The following ENOX1 variants were observed in gnomAD, a reference collection of about 807,000 sequenced individuals.
The protein encoded by ENOX1 is candidate growth-related and time keeping constitutive hydroquinone (NADH) oxidase.
ENOX1 carries 42 observed loss-of-function variants against 82.5 expected under a neutral mutation model. The observed-to-expected ratio is 0.51, with a 90% CI of 0.40 to 0.66. ENOX1 has a LOEUF of 0.66. Among genes scored for constraint, ENOX1 ranks in the 30% least tolerant of loss-of-function variants. The pLI is 0.00. For missense variants in ENOX1, 608 were observed against 811.6 expected, an observed-to-expected ratio of 0.75 and a Z score of 3.05; for synonymous variants, 271 against 282.2, an observed-to-expected ratio of 0.96 and a Z score of 0.40.
intron 2 of ENOX1, among the ~76,000 whole-genome samples, chr13:43,505,705 T>C (rs1205414701): frequency 6.6e-6 from 1 of 152,142 alleles, no homozygotes; most frequent in Admixed American, 6.6e-5. Context: ...GTAGGTTGCC[T>C]GTTCACTCTG....
intron 5 of ENOX1, 112 bp from the exon 6 acceptor site, chr13:43,361,564 T>A: frequency 1.0e-6 from 1 of 973,766 alleles, no homozygotes; most frequent in Non-Finnish European, 1.5e-6. Flanking sequence ...TTTCAGGAAT[T>A]TCTCCTGGCA....
At position 43,298,383 on chromosome 13, in the gene ENOX1, A is replaced by C; in HGVS notation, c.1409T>G (p.Leu470Arg). 2 of 1,611,942 alleles carry C rather than the reference A, an allele frequency of 1.2e-6. No homozygotes were observed. Among genetic ancestry groups the C allele is most frequent in the Non-Finnish European group, 1.7e-6 (2 of 1,179,656 alleles). ...TTGCATGGTTTGCTGCAGAAACTGCAGTTGCTGGTCCTTGGTGAGGTTTTC... is the reference window on the plus strand; with the variant it reads ...TTGCATGGTTTGCTGCAGAAACTGCCGTTGCTGGTCCTTGGTGAGGTTTTC... ...TEENLTKDQQ[L>R]QFLQQTMQGM... The change falls in exon 12 of 17, where the codon CTG (leucine) becomes CGG (arginine). Residue 470 changes from leucine (L) to arginine (R), a missense_variant. Leu to Arg is a moderately radical substitution (Grantham distance 102). Transcript: ENST00000690772.
chr13:43,737,828 TACATAGAACAC>T (rs1465949516), intron 1 of ENOX1, among the ~76,000 whole-genome samples: 1 of 152,198 alleles, frequency 6.6e-6, no homozygotes, highest in Non-Finnish European at 1.5e-5. Context: ...ATTTGCCAAT[TACATAGAACAC>T]ACAATGGGCC....
At chr13:43,507,077 TCAGA>T (rs1401932751) in intron 2 of ENOX1, among the ~76,000 whole-genome samples, 1 of 151,878 alleles carries the variant, frequency 6.6e-6, no homozygotes, top group Non-Finnish European at 1.5e-5. Context: ...AAAGAAATAA[TCAGA>T]CAATTATCAA....
chr13:43,525,326 A>G (rs1202477175), intron 2 of ENOX1, among the ~76,000 whole-genome samples: 2 of 152,064 alleles, frequency 1.3e-5, no homozygotes, highest in African/African-American at 4.8e-5. Context: ...GAATGTGACT[A>G]CTCTAGGTAC....
chr13:43,441,891 G>T (rs2056380046), intron 3 of ENOX1, among the ~76,000 whole-genome samples: 1 of 151,974 alleles, frequency 6.6e-6, no homozygotes, highest in African/African-American at 2.4e-5. Context: ...GGTAGAAGGA[G>T]GGATGTTGGT....
chr13:43,250,236 G>C (rs1344584080), intron 14 of ENOX1, among the ~76,000 whole-genome samples: 1 of 152,196 alleles, frequency 6.6e-6, no homozygotes, highest in African/African-American at 2.4e-5. Flanking sequence ...CCTTCTGTCT[G>C]AATGATCTCT....
chr13:43,644,094 T>A (rs1454189692), intron 2 of ENOX1, among the ~76,000 whole-genome samples: 1 of 152,194 alleles, frequency 6.6e-6, no homozygotes, highest in Non-Finnish European at 1.5e-5. Flanking sequence ...TAATTAGTTT[T>A]AAAATATTCA....
chr13:43,461,618 G>C (rs1406631047), intron 3 of ENOX1, among the ~76,000 whole-genome samples: 1 of 152,186 alleles, frequency 6.6e-6, no homozygotes, highest in Non-Finnish European at 1.5e-5. Flanking sequence ...CATGGCCTGG[G>C]ATGGTTAGGA....
At chr13:43,269,661 G>A in intron 12 of ENOX1, 84 bp from the exon 13 acceptor site, 1 of 1,066,052 alleles carries the variant, frequency 9.4e-7, no homozygotes, top group Non-Finnish European at 1.4e-6. Flanking sequence ...TCAAAATTAT[G>A]AGTAGAAGAT....
At chr13:43,462,343 G>A (rs1430962638) in intron 3 of ENOX1, among the ~76,000 whole-genome samples, 2 of 152,122 alleles carry the variant, frequency 1.3e-5, no homozygotes, top group Non-Finnish European at 2.9e-5. Flanking sequence ...TCCAATAGCT[G>A]GTCTTCATGT....
chr13:43,273,242 G>A (rs1220035057), intron 12 of ENOX1, among the ~76,000 whole-genome samples: 3 of 152,096 alleles, frequency 2.0e-5, no homozygotes, highest in East Asian at 3.9e-4. Flanking sequence ...CCTCTTTGCC[G>A]GTTCCTTGAC....
chr13:43,408,257 A>T (rs1359827939), intron 5 of ENOX1, among the ~76,000 whole-genome samples: 3 of 152,238 alleles, frequency 2.0e-5, no homozygotes, highest in African/African-American at 7.2e-5. Flanking sequence ...ATAAAATCAG[A>T]GGATATAAAA....
In ENOX1 at chr13:43,355,837, T is replaced by C. The variant is rs760842275; in HGVS notation, c.823+82A>G. Reference sequence around the variant, plus strand: ...AGCAGACATTGTGCTGAAGGGACAATGGTGGACGCAGGAGAAACGCACAGG... The same window carrying C: ...AGCAGACATTGTGCTGAAGGGACAACGGTGGACGCAGGAGAAACGCACAGG... On this transcript the variant is annotated intron_variant, in intron 8 of 16. Transcript: ENST00000690772. The C allele has an allele frequency of 2.6e-4, 351 of 1,328,654 alleles. 1 individual carries two copies. The highest frequency in any genetic ancestry group is 1.5e-4 in the Admixed American group (8 of 53,608). 82.3% of individuals were successfully genotyped at this position (1,328,654 alleles called of 1,614,324 possible).
At chr13:43,338,394 C>T (rs752562642) in intron 9 of ENOX1, among the ~76,000 whole-genome samples, 3 of 152,034 alleles carry the variant, frequency 2.0e-5, no homozygotes, top group Admixed American at 6.5e-5. Context: ...GGCAAATGGA[C>T]GGGTTAAGAA....
intron 3 of ENOX1, among the ~76,000 whole-genome samples, chr13:43,430,043 T>C (rs1057475277): frequency 2.0e-5 from 3 of 152,254 alleles, no homozygotes; most frequent in African/African-American, 7.2e-5. Flanking sequence ...TGAATGCATA[T>C]AAAGTGTAAA....
At chr13:43,667,340 G>T in intron 2 of ENOX1, 139 bp downstream of exon 2, 3 of 457,018 alleles carry the variant, frequency 6.6e-6, no homozygotes, top group Non-Finnish European at 8.7e-6. Context: ...GAGATCTTCT[G>T]CCACAGGCCC....
At chr13:43,628,317 T>C (rs76689104) in intron 2 of ENOX1, among the ~76,000 whole-genome samples, 5,170 of 152,178 alleles carry the variant, frequency 0.034, 286 homozygotes, top group African/African-American at 0.12. Flanking sequence ...ACTCTCATCA[T>C]TGAGATTGGA....
At chr13:43,243,477 G>A (rs2042937273) in intron 14 of ENOX1, among the ~76,000 whole-genome samples, 1 of 152,086 alleles carries the variant, frequency 6.6e-6, no homozygotes. Flanking sequence ...TTTTAGGGAT[G>A]CGGTCTCACT....
Sources: gnomAD v4.1 joint callset for allele counts (sites outside exome capture counted in the v4.1 genomes callset) on GRCh38, gnomAD v4.1.1 for gene constraint, MANE v1.5 for transcripts, NCBI Gene and HGNC (gene_info 2026-07-23, HGNC 2026-07-21) for gene names.